Variants in TNRC6A observed in about 807,000 individuals in gnomAD.
TNRC6A encodes trinucleotide repeat containing adaptor 6A, also known as trinucleotide repeat-containing gene 6A protein.
A neutral mutation model predicts 221.2 loss-of-function variants in TNRC6A; 44 were observed. That is an observed-to-expected ratio of 0.20 (90% confidence interval 0.16 to 0.26). The LOEUF is 0.26. Among genes scored for constraint, TNRC6A ranks in the 10% least tolerant of loss-of-function variants. The probability of loss-of-function intolerance (pLI) is 1.00; values close to 1 mark genes in which losing one functional copy is unlikely to be tolerated. For synonymous variants in TNRC6A, 847 were observed against 838.5 expected (o/e 1.01, Z -0.18); for missense variants, 2,199 against 2,404.4 (o/e 0.91, Z 1.79).
chr16:24,749,944 A>G (rs1195443296), intron 2 of TNRC6A, among the ~76,000 whole-genome samples: 1 of 152,180 alleles, frequency 6.6e-6, no homozygotes, highest in Non-Finnish European at 1.5e-5. Context: ...GTTTGAGACC[A>G]GCCTGGCCAA....
intron 1 of TNRC6A, among the ~76,000 whole-genome samples, chr16:24,636,069 G>A (rs1278801556): frequency 6.6e-6 from 1 of 152,204 alleles, no homozygotes; most frequent in African/African-American, 2.4e-5. Context: ...CCAATGGCAG[G>A]GTGCCAGCAA....
chr16:24,816,475 C>T, intron 19 of TNRC6A: 1 of 193,172 alleles, frequency 5.2e-6, no homozygotes, highest in Non-Finnish European at 1.1e-5. Flanking sequence ...CACTACACTC[C>T]AACCTGGGTG....
intron 2 of TNRC6A, among the ~76,000 whole-genome samples, chr16:24,692,495 G>A (rs1027531308): frequency 6.6e-6 from 1 of 152,024 alleles, no homozygotes; most frequent in Non-Finnish European, 1.5e-5. Context: ...ACTTGAACCC[G>A]GGAGATGGAG....
At chr16:24,680,599 C>T (rs998705939) in intron 2 of TNRC6A, among the ~76,000 whole-genome samples, 1 of 151,604 alleles carries the variant, frequency 6.6e-6, no homozygotes, top group Non-Finnish European at 1.5e-5. Context: ...CACCTGTAGT[C>T]CCAGATACTT....
At chr16:24,779,149 CA>C (rs2057787428) in intron 5 of TNRC6A, among the ~76,000 whole-genome samples, 1 of 152,082 alleles carries the variant, frequency 6.6e-6, no homozygotes, top group South Asian at 2.1e-4. Flanking sequence ...AAGAAGGCCT[CA>C]GGTGTGGGCA....
At chr16:24,627,338 C>A (rs1901073606) in intron 1 of TNRC6A, among the ~76,000 whole-genome samples, 1 of 151,982 alleles carries the variant, frequency 6.6e-6, no homozygotes. Flanking sequence ...CAGTGCCTTC[C>A]CCAAGCAAAT....
chr16:24,806,429 T>C, intron 16 of TNRC6A, 145 bp from the exon 17 acceptor site: 2 of 1,347,742 alleles, frequency 1.5e-6, no homozygotes, highest in Non-Finnish European at 2.0e-6. Context: ...GTCTGCTGGT[T>C]GCCCATGAGT....
Position 24,619,089 on chromosome 16 carries a change from T to C in TNRC6A, n.276+8605T>C, listed in dbSNP as rs1190670650. On this transcript the variant is annotated intron_variant and non_coding_transcript_variant, in intron 1 of 2. Transcript: ENST00000566108. Reference sequence around the variant, plus strand: ...ACCATTGCTCTAAACCACTACTCTGTACTTTTTCTTCAAAGAGAATGTAAC... The same window carrying C: ...ACCATTGCTCTAAACCACTACTCTGCACTTTTTCTTCAAAGAGAATGTAAC... Among the ~76,000 whole-genome samples the C allele has an allele frequency of 2.0e-5, 3 of 152,246 alleles. No homozygotes were observed. In the East Asian group the frequency reaches 5.8e-4, roughly 29 times the overall value.
intron 5 of TNRC6A, among the ~76,000 whole-genome samples, chr16:24,787,732 C>T (rs1234989043): frequency 1.3e-5 from 2 of 152,218 alleles, no homozygotes; most frequent in Admixed American, 6.5e-5. Flanking sequence ...TTTCCGGTCT[C>T]TCTCCAGTCA....
chr16:24,793,440 T>C (rs1015026112), intron 6 of TNRC6A, 33 bp from the exon 7 acceptor site: 12 of 1,369,710 alleles, frequency 8.8e-6, no homozygotes, highest in Non-Finnish European at 1.1e-5. Flanking sequence ...TTACCTTCTA[T>C]GCTGATGACT....
intron 2 of TNRC6A, among the ~76,000 whole-genome samples, chr16:24,645,045 T>A (rs1428232147): frequency 6.6e-6 from 1 of 152,194 alleles, no homozygotes; most frequent in Non-Finnish European, 1.5e-5. Context: ...ATAGTTACAG[T>A]TGAAAAAGTA....
intron 4 of TNRC6A, among the ~76,000 whole-genome samples, chr16:24,759,099 A>G (rs1164805621): frequency 2.0e-5 from 3 of 152,218 alleles, no homozygotes; most frequent in Non-Finnish European, 4.4e-5. Flanking sequence ...GAAATGGTTC[A>G]AAGAAGGAAT....
intron 2 of TNRC6A, among the ~76,000 whole-genome samples, chr16:24,732,827 T>G: frequency 6.6e-6 from 1 of 151,938 alleles, no homozygotes; most frequent in South Asian, 2.1e-4. Context: ...TCCCTGGGAG[T>G]GGCGCAGAAT....
At chr16:24,613,423 G>A (rs971186947) in intron 1 of TNRC6A, among the ~76,000 whole-genome samples, 2 of 150,426 alleles carry the variant, frequency 1.3e-5, no homozygotes, top group Non-Finnish European at 3.0e-5. Context: ...TGGGATCAAT[G>A]AGCAACTATT....
chr16:24,650,262 T>G (rs983591824), intron 2 of TNRC6A, among the ~76,000 whole-genome samples: 1 of 152,220 alleles, frequency 6.6e-6, no homozygotes, highest in African/African-American at 2.4e-5. Context: ...AATTAAAATA[T>G]TATGTATTTT....
At position 24,789,872 on chromosome 16, in the gene TNRC6A, A is replaced by C. The variant is rs1324635102; in HGVS notation, c.1230A>C (p.Lys410Asn). 1 of 1,614,168 alleles carries C rather than the reference A, an allele frequency of 6.2e-7. No individual in the cohort carries two copies. Among genetic ancestry groups the C allele is most frequent in the Non-Finnish European group, 8.5e-7 (1 of 1,180,034 alleles). ...QMPNNQSINSKVSGGSTHGTW... is the reference protein window; with the variant it reads ...QMPNNQSINSNVSGGSTHGTW... ...CTAACAATCAGAGTATTAACTCTAA[A>C]GTGAGTGGTGGTTCTACCCATGGTA... The change falls in exon 6 of 25, where the codon AAA becomes AAC. Residue 410 changes from lysine (K) to asparagine (N), a missense_variant. Lys to Asn is a moderately conservative substitution (Grantham distance 94). Coordinates refer to ENST00000395799, the MANE Select transcript of TNRC6A (RefSeq NM_014494.4).
rs777262941 is a variant in TNRC6A, at chr16:24,664,045, G to C, written n.402+23036G>C. On this transcript the variant is annotated intron_variant and non_coding_transcript_variant, in intron 2 of 2. Transcript: ENST00000566108. ...GAGAAGGGGAAATGAAGGTAAGGAGGCTGGGAGTGGTGGCTCATACCTGTA... is the reference window on the plus strand; with the variant it reads ...GAGAAGGGGAAATGAAGGTAAGGAGCCTGGGAGTGGTGGCTCATACCTGTA... 5 of 432,596 alleles carry C rather than the reference G, an allele frequency of 1.2e-5. No individual in the cohort carries two copies. The Admixed American group carries it at 1.2e-4, about 11-fold the overall frequency. 26.8% of individuals were successfully genotyped at this position (432,596 alleles called of 1,614,324 possible).
At chr16:24,707,029 T>C (rs1267554635) in intron 2 of TNRC6A, among the ~76,000 whole-genome samples, 4 of 150,404 alleles carry the variant, frequency 2.7e-5, no homozygotes, top group African/African-American at 9.8e-5. Context: ...ACAGGGTTAC[T>C]CTGTCACCCA....
At chr16:24,643,394 G>T (rs2019905) in intron 2 of TNRC6A, among the ~76,000 whole-genome samples, 75,773 of 151,276 alleles carry the variant, frequency 0.5, 19,162 homozygotes, top group South Asian at 0.58. Flanking sequence ...TTCTTAGGGC[G>T]GCGGATTAGG....
Sources: allele counts gnomAD v4.1 joint callset (sites outside exome capture counted in the v4.1 genomes callset), GRCh38; gene constraint gnomAD v4.1.1; transcripts MANE v1.5; gene names NCBI Gene and HGNC (gene_info 2026-07-23, HGNC 2026-07-21).